The following DMXL1 variants were observed in gnomAD, a reference collection of about 807,000 sequenced individuals.
The protein encoded by DMXL1 is dmX-like protein 1.
A neutral mutation model predicts 319.2 loss-of-function variants in DMXL1; 99 were observed. The ratio of observed to expected loss-of-function variants is 0.31; its 90% CI spans 0.26 to 0.37. The LOEUF (loss-of-function observed/expected upper bound fraction) is 0.37, where lower values mean the gene tolerates loss of function less well. DMXL1 is among the 10% of genes least tolerant of loss of function. The pLI is 1.00. For missense variants in DMXL1, 3,745 were observed against 3,595.6 expected (o/e 1.04, Z -1.06); for synonymous variants, 1,385 against 1,235.2 (o/e 1.12, Z -2.54).
In DMXL1 at chr5:119,143,953, A is replaced by C; in HGVS notation, c.2466+23A>C. On this transcript the variant is annotated intron_variant, in intron 14 of 43. Transcript: ENST00000539542. The stretch of plus-strand genomic sequence containing the variant: ...CTTGTAAGTATTAATTTTGGGGGGG[A>C]GGTATATTAAAAAAAAGTTTATGAA... 1.4e-6 allele frequency: 2 copies of C among 1,434,150 alleles called. 1 individual carries two copies. The highest frequency in any genetic ancestry group is 2.7e-5 in the South Asian group (2 of 75,318). The allele number at this position is 1,434,150 out of a possible 1,614,324, so 88.8% of individuals were successfully genotyped here.
At chr5:119,213,550 C>T (rs968776580) in intron 34 of DMXL1, among the ~76,000 whole-genome samples, 6 of 152,134 alleles carry the variant, frequency 3.9e-5, no homozygotes, top group African/African-American at 9.7e-5. Flanking sequence ...TCTCTAGTCT[C>T]CTATGTAGCA....
chr5:119,094,216 CT>C (rs1580660787), intron 1 of DMXL1, among the ~76,000 whole-genome samples: 1 of 152,322 alleles, frequency 6.6e-6, no homozygotes, highest in East Asian at 1.9e-4. Context: ...GGCTTCAAAG[CT>C]TCAAAGGACA....
chr5:119,146,688 A>G, intron 15 of DMXL1, 149 bp from the exon 16 acceptor site: 1 of 644,174 alleles, frequency 1.6e-6, no homozygotes, highest in Admixed American at 3.5e-5. Context: ...AAGGATTTGA[A>G]TATATTTTAT....
chr5:119,136,819 G>T (rs921190316), intron 13 of DMXL1, among the ~76,000 whole-genome samples: 37 of 152,386 alleles, frequency 2.4e-4, no homozygotes, highest in African/African-American at 8.7e-4. Flanking sequence ...TTCAGAGGAT[G>T]TATGGAAACA....
At chr5:119,180,151 C>T (rs1158864754) in intron 28 of DMXL1, among the ~76,000 whole-genome samples, 1 of 152,174 alleles carries the variant, frequency 6.6e-6, no homozygotes, top group Non-Finnish European at 1.5e-5. Context: ...TTTGCCTTCC[C>T]TGTTAAAGGA....
At chr5:119,144,892 T>A (rs1768177033) in intron 15 of DMXL1, among the ~76,000 whole-genome samples, 1 of 151,772 alleles carries the variant, frequency 6.6e-6, no homozygotes, top group Admixed American at 6.6e-5. Context: ...TATTAACATA[T>A]GAGAGCTTTT....
intron 1 of DMXL1, among the ~76,000 whole-genome samples, chr5:119,088,314 CCTTTA>C (rs1229677196): frequency 2.0e-5 from 3 of 152,086 alleles, no homozygotes; most frequent in African/African-American, 7.2e-5. Flanking sequence ...TTCTTCCACC[CCTTTA>C]CTTTCAGTCT....
intron 13 of DMXL1, among the ~76,000 whole-genome samples, chr5:119,137,623 T>G (rs922184146): frequency 6.6e-6 from 1 of 152,200 alleles, no homozygotes; most frequent in Non-Finnish European, 1.5e-5. Flanking sequence ...GCTGTTTGCA[T>G]TATAGTGAGC....
intron 13 of DMXL1, among the ~76,000 whole-genome samples, chr5:119,138,481 C>T (rs1766537883): frequency 1.3e-5 from 2 of 152,056 alleles, no homozygotes; most frequent in South Asian, 4.1e-4. Context: ...CAGTAGTTGT[C>T]AGCATATAAA....
rs1191747080 is a variant in DMXL1 at position 119,118,926 on chromosome 5, T to C, written c.855T>C (p.His285=). The part of the protein sequence containing the change: ...DCLLYGGDCS[H]WTESINLTNN... Reference sequence around the variant, plus strand: ...TGCTATACGGAGGTGACTGCAGCCATTGGACTGAATCAATTAATTTAACAA... The same window carrying C: ...TGCTATACGGAGGTGACTGCAGCCACTGGACTGAATCAATTAATTTAACAA... Residue 285 remains histidine, a synonymous_variant, in exon 8 of 44, where the codon CAT becomes CAC. Coordinates refer to ENST00000539542, the MANE Select transcript of DMXL1 (RefSeq NM_001290321.3). 1.2e-6 allele frequency: 2 copies of C among 1,613,766 alleles called. No homozygotes were observed. Among genetic ancestry groups the C allele is most frequent in the Non-Finnish European group, 1.7e-6 (2 of 1,179,862 alleles).
At chr5:119,241,527 T>A in intron 42 of DMXL1, among the ~76,000 whole-genome samples, 1 of 124,884 alleles carries the variant, frequency 8.0e-6, no homozygotes, top group Admixed American at 9.0e-5. Flanking sequence ...AGAGCAAGAC[T>A]CCGTCTCAAA....
At chr5:119,167,531 A>C (rs1025153045) in intron 22 of DMXL1, 72 bp from the exon 23 acceptor site, 9 of 1,221,192 alleles carry the variant, frequency 7.4e-6, no homozygotes, top group Middle Eastern at 2.7e-4. Flanking sequence ...TCTAGTTATT[A>C]GTGAGTTAAC....
intron 6 of DMXL1, 111 bp from the exon 7 acceptor site, chr5:119,116,047 C>G: frequency 1.9e-5 from 18 of 966,750 alleles, no homozygotes; most frequent in Non-Finnish European, 2.2e-5. Flanking sequence ...CTCAACGTCT[C>G]TTCCCATCCC....
Position 119,171,875 on chromosome 5 carries a change from A to G in DMXL1, c.6587A>G (p.Asn2196Ser), listed in dbSNP as rs778361047. 5 of 1,613,802 alleles carry G rather than the reference A, an allele frequency of 3.1e-6. No homozygotes were observed. Among genetic ancestry groups the G allele is most frequent in the Non-Finnish European group, 4.2e-6 (5 of 1,179,896 alleles). ...CTANAKTVVA[N>S]PLLHLSNLTH... The stretch of plus-strand genomic sequence containing the variant: ...GCCAATGCCAAAACAGTAGTTGCCA[A>G]TCCATTATTGCACCTTAGTAATCTG... The change falls in exon 25 of 44, where the codon AAT becomes AGT. Residue 2196 changes from asparagine (N) to serine (S), a missense_variant. By Grantham distance (46) the Asn-to-Ser change is conservative. This residue lies in a region of DMXL1 where 1,382 missense variants were observed against 1,269.5 expected (regional missense o/e 1.09). Coordinates refer to ENST00000539542, the MANE Select transcript of DMXL1 (RefSeq NM_001290321.3).
chr5:119,105,907 AAAAAGG>A (rs1271669361), intron 4 of DMXL1, among the ~76,000 whole-genome samples: 4 of 149,790 alleles, frequency 2.7e-5, no homozygotes, highest in Non-Finnish European at 1.5e-5. Flanking sequence ...AAAAAAAAAA[AAAAAGG>A]AAGAAAATAT....
At chr5:119,221,799 C>CA (rs1476674009) in intron 37 of DMXL1, among the ~76,000 whole-genome samples, 1 of 138,608 alleles carries the variant, frequency 7.2e-6, no homozygotes, top group Non-Finnish European at 1.6e-5. Context: ...TTTTTTTTAA[C>CA]AAAAACAATA....
chr5:119,238,439 CTA>C (rs1788144213), intron 40 of DMXL1, among the ~76,000 whole-genome samples: 1 of 151,972 alleles, frequency 6.6e-6, no homozygotes, highest in South Asian at 2.1e-4. Context: ...TTGAAAAATG[CTA>C]TATGTTTTCT....
chr5:119,225,811 G>T (rs1785442721), intron 38 of DMXL1, among the ~76,000 whole-genome samples: 1 of 151,954 alleles, frequency 6.6e-6, no homozygotes, highest in Non-Finnish European at 1.5e-5. Context: ...TTTATTCATC[G>T]CTAGAAGTGT....
chr5:119,224,737 G>T lies in DMXL1; in HGVS notation c.8306G>T (p.Arg2769Ile). Residue 2769 changes from arginine (R) to isoleucine (I), a missense_variant, in exon 38 of 44, where the codon AGA becomes ATA. Physicochemically the swap from Arg to Ile is moderately conservative, Grantham distance 97. Transcript: ENST00000539542. ...ATTAAGAAAGCCATTAATAATGTTA[G>T]AAGAATGACTTCTCATCCAACTCTT... ...VMIKKAINNV[R>I]RMTSHPTLPY... is the part of the protein sequence containing the mutation. The T allele has an allele frequency of 7.5e-7, 1 of 1,327,988 alleles. No individual in the cohort carries two copies. The highest frequency in any genetic ancestry group is 1.7e-5 in the South Asian group (1 of 57,156). 82.3% of individuals were successfully genotyped at this position (1,327,988 alleles called of 1,614,324 possible).
Sources: allele counts gnomAD v4.1 joint callset (sites outside exome capture counted in the v4.1 genomes callset), GRCh38; gene constraint gnomAD v4.1.1; regional missense constraint gnomAD v4.1.1; transcripts MANE v1.5; gene names NCBI Gene and HGNC (gene_info 2026-07-23, HGNC 2026-07-21).